Variants in SNTG1 observed in about 807,000 individuals in gnomAD.
SNTG1 encodes gamma-1-syntrophin.
Under a neutral mutation model 74.7 loss-of-function variants are expected in SNTG1, and 39 were observed. The observed-to-expected ratio is 0.52, with a 90% CI of 0.40 to 0.68. SNTG1 has a LOEUF of 0.68. SNTG1 is among the 30% of genes least tolerant of loss of function. The pLI is 0.00. For synonymous variants in SNTG1, 254 were observed against 217.1 expected (o/e 1.17, Z -1.49); for missense variants, 685 against 609.5 (o/e 1.12, Z -1.30).
At chr8:50,475,131 G>T (rs2093686305) in intron 8 of SNTG1, among the ~76,000 whole-genome samples, 2 of 151,768 alleles carry the variant, frequency 1.3e-5, no homozygotes, top group Non-Finnish European at 2.9e-5. Flanking sequence ...AATGCTAAAT[G>T]ATGAGTTAAT....
chr8:50,637,432 A>C (rs2095046195), intron 13 of SNTG1, among the ~76,000 whole-genome samples: 2 of 152,088 alleles, frequency 1.3e-5, no homozygotes, highest in South Asian at 4.1e-4. Context: ...TGAAGGTTCT[A>C]GTATGCCCAA....
intron 18 of SNTG1, among the ~76,000 whole-genome samples, chr8:50,789,789 T>C (rs1474336404): frequency 6.6e-6 from 1 of 152,042 alleles, no homozygotes; most frequent in East Asian, 1.9e-4. Flanking sequence ...CTTTTGTCAA[T>C]GCCTGTCACT....
chr8:50,227,096 A>G (rs1027671134), intron 2 of SNTG1, among the ~76,000 whole-genome samples: 3 of 152,154 alleles, frequency 2.0e-5, no homozygotes, highest in Non-Finnish European at 2.9e-5. Flanking sequence ...TGTACTTACC[A>G]ATAACCGAAG....
chr8:50,215,341 T>G (rs1008940008), intron 2 of SNTG1, among the ~76,000 whole-genome samples: 2 of 150,188 alleles, frequency 1.3e-5, no homozygotes, highest in Non-Finnish European at 3.0e-5. Flanking sequence ...TACCTCAGTT[T>G]GAAGTGTGAA....
intron 2 of SNTG1, among the ~76,000 whole-genome samples, chr8:50,269,654 A>G (rs139796317): frequency 1.3e-5 from 2 of 152,284 alleles, no homozygotes; most frequent in African/African-American, 4.8e-5. Context: ...CAGTCCAAAT[A>G]TGTATATTTA....
intron 2 of SNTG1, among the ~76,000 whole-genome samples, chr8:50,212,663 A>C (rs574084816): frequency 5.3e-5 from 8 of 152,164 alleles, no homozygotes; most frequent in Non-Finnish European, 1.2e-4. Context: ...GAGACAGTTA[A>C]TTCTCATCTC....
chr8:50,030,253 T>C (rs560964025), intron 1 of SNTG1, among the ~76,000 whole-genome samples: 3 of 152,120 alleles, frequency 2.0e-5, no homozygotes, highest in African/African-American at 4.8e-5. Context: ...TACTAGTCTC[T>C]TGTTAGATGC....
chr8:50,573,796 T>A (rs2094561908), intron 12 of SNTG1, among the ~76,000 whole-genome samples: 1 of 151,946 alleles, frequency 6.6e-6, no homozygotes, highest in African/African-American at 2.4e-5. Flanking sequence ...AAAAAGTTTC[T>A]ATTTAATTTA....
chr8:50,633,737 G>A (rs923351015), intron 13 of SNTG1, among the ~76,000 whole-genome samples: 14 of 152,104 alleles, frequency 9.2e-5, no homozygotes, highest in African/African-American at 2.2e-4. Flanking sequence ...ATTCTATGGC[G>A]CTGAAACAGG....
chr8:50,491,429 C>G (rs569545730), intron 8 of SNTG1: 3 of 152,392 alleles, frequency 2.0e-5, no homozygotes, highest in African/African-American at 7.2e-5. Flanking sequence ...GGGAAACCAC[C>G]GTTCCAATGT....
chr8:50,785,707 A>C (rs1184501261), intron 18 of SNTG1, among the ~76,000 whole-genome samples: 5 of 151,972 alleles, frequency 3.3e-5, no homozygotes, highest in Non-Finnish European at 5.9e-5. Flanking sequence ...CAAAACCATC[A>C]GATGAAAAGA....
At chr8:50,672,805 T>A (rs1042507230) in intron 15 of SNTG1, among the ~76,000 whole-genome samples, 1 of 152,290 alleles carries the variant, frequency 6.6e-6, no homozygotes, top group African/African-American at 2.4e-5. Flanking sequence ...TCTTCTAGGG[T>A]TTTTATGATT....
At chr8:50,136,714 G>A (rs1444029633) in intron 1 of SNTG1, among the ~76,000 whole-genome samples, 4 of 152,068 alleles carry the variant, frequency 2.6e-5, no homozygotes, top group Admixed American at 2.6e-4. Flanking sequence ...TTTTATGCCT[G>A]AGCTGCAGGG....
intron 2 of SNTG1, among the ~76,000 whole-genome samples, chr8:50,199,311 C>T (rs1222513825): frequency 6.6e-6 from 1 of 151,442 alleles, no homozygotes; most frequent in Non-Finnish European, 1.5e-5. Context: ...TCTGTCTCCC[C>T]AGTTCAAGTG....
intron 1 of SNTG1, among the ~76,000 whole-genome samples, chr8:50,098,722 T>C (rs952633047): frequency 1.4e-4 from 22 of 152,302 alleles, no homozygotes; most frequent in African/African-American, 5.3e-4. Context: ...GAACAAGTTA[T>C]GTGTTTGAAT....
intron 2 of SNTG1, among the ~76,000 whole-genome samples, chr8:50,216,354 T>C (rs528985154): frequency 6.6e-6 from 1 of 152,246 alleles, no homozygotes; most frequent in African/African-American, 2.4e-5. Flanking sequence ...TCTTTTGAAA[T>C]GTAGAACTAT....
intron 2 of SNTG1, among the ~76,000 whole-genome samples, chr8:50,203,910 C>T (rs1015708544): frequency 6.6e-6 from 1 of 151,928 alleles, no homozygotes; most frequent in African/African-American, 2.4e-5. Context: ...TTTTTTGTAG[C>T]AAATCTATAT....
chr8:50,280,775 G>A (rs977623137), intron 2 of SNTG1, among the ~76,000 whole-genome samples: 1 of 152,008 alleles, frequency 6.6e-6, no homozygotes, highest in African/African-American at 2.4e-5. Context: ...CTCATAGGTG[G>A]CCACCTTTAG....
At chr8:49,916,967 G>T (rs1020294413) in intron 1 of SNTG1, among the ~76,000 whole-genome samples, 47 of 152,150 alleles carry the variant, frequency 3.1e-4, no homozygotes, top group Middle Eastern at 3.4e-3. Context: ...TGAGGCTGCA[G>T]TGAGATATAA....
Sources: gnomAD v4.1 joint callset for allele counts (sites outside exome capture counted in the v4.1 genomes callset) on GRCh38, gnomAD v4.1.1 for gene constraint, MANE v1.5 for transcripts, NCBI Gene and HGNC (gene_info 2026-07-23, HGNC 2026-07-21) for gene names.